The following FSTL5 variants were observed in gnomAD, a reference collection of about 807,000 sequenced individuals.
The protein encoded by FSTL5 is follistatin-related protein 5.
FSTL5 carries 62 observed loss-of-function variants against 89.1 expected under a neutral mutation model. That is an observed-to-expected ratio of 0.70 (90% CI 0.57 to 0.86). FSTL5 has a LOEUF of 0.86. Ranked by LOEUF, FSTL5 falls within the 40% of genes least tolerant of loss-of-function variation. FSTL5 has a pLI of 0.00. For synonymous variants in FSTL5, 383 were observed against 346.2 expected (o/e 1.11, Z -1.18); for missense variants, 1,057 against 1,001.6 (o/e 1.06, Z -0.75).
chr4:161,525,118 G>T (rs1188355979), intron 10 of FSTL5, among the ~76,000 whole-genome samples: 1 of 152,016 alleles, frequency 6.6e-6, no homozygotes, highest in East Asian at 1.9e-4. Context: ...CGCTTTGCTT[G>T]TGTGCATATT....
chr4:162,071,975 C>T (rs7681955), intron 2 of FSTL5, among the ~76,000 whole-genome samples: 34,987 of 151,514 alleles, frequency 0.23, 4,913 homozygotes, highest in Non-Finnish European at 0.32. Flanking sequence ...ACATTAGGTG[C>T]TAATTGGCAT....
At chr4:162,110,697 GT>G (rs1731401641) in intron 2 of FSTL5, among the ~76,000 whole-genome samples, 1 of 151,362 alleles carries the variant, frequency 6.6e-6, no homozygotes, top group Non-Finnish European at 1.5e-5. Context: ...AGTATTTAAT[GT>G]TTATAATTTA....
intron 15 of FSTL5, among the ~76,000 whole-genome samples, chr4:161,445,976 A>G (rs946402257): frequency 6.6e-6 from 1 of 152,096 alleles, no homozygotes; most frequent in African/African-American, 2.4e-5. Context: ...GAAAAGAGTA[A>G]TGTGATTATC....
chr4:161,676,972 A>G (rs1737327268), intron 6 of FSTL5, among the ~76,000 whole-genome samples: 1 of 152,048 alleles, frequency 6.6e-6, no homozygotes, highest in Non-Finnish European at 1.5e-5. Context: ...TTTAAAACAC[A>G]TTTAAAATAA....
intron 10 of FSTL5, among the ~76,000 whole-genome samples, chr4:161,527,526 C>A (rs1731266823): frequency 6.6e-6 from 1 of 151,964 alleles, no homozygotes; most frequent in South Asian, 2.1e-4. Context: ...TTTATGCAGC[C>A]AAAAAACACA....
intron 7 of FSTL5, among the ~76,000 whole-genome samples, chr4:161,629,950 C>T (rs1735447732): frequency 6.6e-6 from 1 of 152,168 alleles, no homozygotes; most frequent in African/African-American, 2.4e-5. Context: ...GACCTCCTGG[C>T]CGGCCATTCT....
chr4:161,794,139 C>A (rs1214635123), intron 4 of FSTL5, among the ~76,000 whole-genome samples: 2 of 152,102 alleles, frequency 1.3e-5, no homozygotes, highest in African/African-American at 2.4e-5. Context: ...ATTATAGTCA[C>A]CTGAGGAGCT....
rs557510441 is a variant in FSTL5 at position 161,690,538 on chromosome 4, G to T, written c.728-34044C>A. Among the ~76,000 whole-genome samples, 10 of 152,094 alleles carry T rather than the reference G, an allele frequency of 6.6e-5. No individual in the cohort carries two copies. In the East Asian group the frequency reaches 1.9e-3, roughly 29 times the overall value. On this transcript the variant is annotated intron_variant, in intron 6 of 15. Coordinates refer to ENST00000306100, the MANE Select transcript of FSTL5 (RefSeq NM_020116.5). ...TTGTCTTTCTGTTGTTGAGCTGCAA[G>T]AATTCTTTGTGTATTCTAGACACAA...
chr4:161,726,915 A>T (rs1022171951), intron 6 of FSTL5, among the ~76,000 whole-genome samples: 4 of 33,806 alleles, frequency 1.2e-4, no homozygotes, highest in Admixed American at 5.7e-4. Flanking sequence ...AAAAAAAAAT[A>T]TATATATATA....
chr4:161,979,633 T>C (rs190159220), intron 3 of FSTL5, among the ~76,000 whole-genome samples: 176 of 152,288 alleles, frequency 1.2e-3, no homozygotes, highest in African/African-American at 3.2e-3. Context: ...ATTATTCTTT[T>C]TGAAATGTAA....
At chr4:161,677,982 CAT>C (rs1346734785) in intron 6 of FSTL5, among the ~76,000 whole-genome samples, 6 of 151,480 alleles carry the variant, frequency 4.0e-5, no homozygotes, top group Non-Finnish European at 8.9e-5. Flanking sequence ...TCAATTAAAA[CAT>C]ATGAATTAAT....
intron 4 of FSTL5, among the ~76,000 whole-genome samples, chr4:161,850,921 C>G (rs1281146739): frequency 1.3e-5 from 2 of 152,102 alleles, no homozygotes; most frequent in African/African-American, 4.8e-5. Flanking sequence ...GGGAGACTAT[C>G]TGGAAGAATA....
chr4:162,022,971 G>C (rs1048355896), intron 3 of FSTL5: 1 of 152,082 alleles, frequency 6.6e-6, no homozygotes, highest in African/African-American at 2.4e-5. Flanking sequence ...ATTAGTTAAT[G>C]GGCACAATTT....
intron 5 of FSTL5, among the ~76,000 whole-genome samples, chr4:161,772,063 AT>A (rs1011103016): frequency 2.6e-5 from 4 of 151,984 alleles, no homozygotes; most frequent in Non-Finnish European, 5.9e-5. Flanking sequence ...TTATCCACTG[AT>A]TTTTTTATGT....
intron 4 of FSTL5, among the ~76,000 whole-genome samples, chr4:161,854,487 A>C (rs559069500): frequency 1.9e-4 from 29 of 152,296 alleles, no homozygotes; most frequent in Middle Eastern, 3.4e-3. Context: ...AATTACATAT[A>C]TCTTCACCAG....
intron 6 of FSTL5, among the ~76,000 whole-genome samples, chr4:161,747,625 G>A (rs942094831): frequency 6.6e-6 from 1 of 152,148 alleles, no homozygotes; most frequent in African/African-American, 2.4e-5. Context: ...TATGGTGGGG[G>A]CAACAACTAG....
intron 2 of FSTL5, chr4:162,041,750 G>C (rs987386776): frequency 1.3e-5 from 2 of 150,094 alleles, no homozygotes; most frequent in African/African-American, 4.9e-5. Context: ...ACATGCACTT[G>C]ACAAAAAAAA....
At chr4:161,426,053 C>T (rs992291761) in intron 15 of FSTL5, among the ~76,000 whole-genome samples, 3 of 151,768 alleles carry the variant, frequency 2.0e-5, no homozygotes, top group African/African-American at 7.3e-5. Context: ...AAAAAATGAA[C>T]ATCTTCTAGT....
intron 13 of FSTL5, among the ~76,000 whole-genome samples, chr4:161,463,429 C>T (rs1057005645): frequency 6.6e-6 from 1 of 151,966 alleles, no homozygotes; most frequent in African/African-American, 2.4e-5. Context: ...ACATTTTATA[C>T]AAGAAACATT....
Sources: allele counts gnomAD v4.1 joint callset (sites outside exome capture counted in the v4.1 genomes callset), GRCh38; gene constraint gnomAD v4.1.1; transcripts MANE v1.5; gene names NCBI Gene and HGNC (gene_info 2026-07-23, HGNC 2026-07-21).